VTCN1: variants seen among roughly 807,000 people sequenced by gnomAD.
VTCN1 encodes V-set domain-containing T-cell activation inhibitor 1.
Under a neutral mutation model 26.5 loss-of-function variants are expected in VTCN1, and 26 were observed. The observed-to-expected ratio is 0.98, with a 90% CI of 0.72 to 1.36. The LOEUF (loss-of-function observed/expected upper bound fraction) is 1.36. VTCN1 is among the 40% of genes most tolerant of loss of function. The pLI, the probability that VTCN1 is intolerant of heterozygous loss-of-function variation, is 0.00. For missense variants in VTCN1, 298 were observed against 337.7 expected, an observed-to-expected ratio of 0.88 and a Z score of 0.92; for synonymous variants, 116 against 130.7, an observed-to-expected ratio of 0.89 and a Z score of 0.77.
intron 1 of VTCN1, chr1:117,173,154 G>C (rs188371239): frequency 1.4e-6 from 1 of 715,300 alleles, no homozygotes; most frequent in East Asian, 2.7e-5. Context: ...AAACAACTCC[G>C]GACGCGCCAC....
At chr1:117,160,511 T>C (rs1459647214) in intron 2 of VTCN1, among the ~76,000 whole-genome samples, 3 of 152,346 alleles carry the variant, frequency 2.0e-5, no homozygotes, top group South Asian at 2.1e-4. Flanking sequence ...TCCTAAGAGC[T>C]GTGGAATGGA....
chr1:117,153,459 TC>T, intron 3 of VTCN1, 90 bp from the exon 4 acceptor site: 238 of 1,320,828 alleles, frequency 1.8e-4, no homozygotes, highest in Non-Finnish European at 2.2e-4. Context: ...AAAAATGCAG[TC>T]ATTTTTTTTT....
intron 1 of VTCN1, among the ~76,000 whole-genome samples, chr1:117,188,572 T>A (rs1358151370): frequency 6.6e-6 from 1 of 152,248 alleles, no homozygotes; most frequent in Non-Finnish European, 1.5e-5. Flanking sequence ...TAACTACTGG[T>A]CATGCTGAAT....
intron 1 of VTCN1, among the ~76,000 whole-genome samples, chr1:117,210,335 A>G (rs113892052): frequency 2.0e-5 from 3 of 152,214 alleles, no homozygotes; most frequent in African/African-American, 7.2e-5. Context: ...TGAATTGCTC[A>G]AGAGTAGCAA....
chr1:117,210,565 C>T (rs1297204012), intron 1 of VTCN1, among the ~76,000 whole-genome samples: 2 of 152,190 alleles, frequency 1.3e-5, no homozygotes, highest in South Asian at 2.1e-4. Flanking sequence ...CCAAGCTGCC[C>T]AGCAAGCGCC....
At chr1:117,199,563 C>T (rs972904803) in intron 1 of VTCN1, among the ~76,000 whole-genome samples, 3 of 151,530 alleles carry the variant, frequency 2.0e-5, no homozygotes, top group African/African-American at 7.3e-5. Flanking sequence ...TGACCTCAAG[C>T]GATCCACCCA....
intron 2 of VTCN1, among the ~76,000 whole-genome samples, chr1:117,157,815 A>C (rs1652166821): frequency 6.6e-6 from 1 of 152,182 alleles, no homozygotes; most frequent in African/African-American, 2.4e-5. Flanking sequence ...TTCACCTATA[A>C]TCCTGTAAAA....
intron 1 of VTCN1, among the ~76,000 whole-genome samples, chr1:117,174,423 A>G (rs916835166): frequency 6.6e-6 from 1 of 152,244 alleles, no homozygotes; most frequent in Non-Finnish European, 1.5e-5. Context: ...CGTGACATAC[A>G]CACAAACCTT....
At position 117,210,914 on chromosome 1, in the gene VTCN1, C is replaced by G; in HGVS notation, c.-59G>C. 6.3e-7 allele frequency: 1 copy of G among 1,586,464 alleles called. No homozygotes were observed. Among genetic ancestry groups the G allele is most frequent in the South Asian group, 1.1e-5 (1 of 90,428 alleles). The stretch of plus-strand genomic sequence containing the variant: ...GGCTGAGTGGAGCTGCCGCTGCCTT[C>G]CTTGGTGACTCACAACCAGCTCCCG... On this transcript the variant is annotated 5_prime_UTR_variant, in exon 1 of 6. Coordinates refer to ENST00000369458, the MANE Select transcript of VTCN1 (RefSeq NM_024626.4).
At chr1:117,190,120 G>C (rs1185191202) in intron 1 of VTCN1, among the ~76,000 whole-genome samples, 1 of 152,232 alleles carries the variant, frequency 6.6e-6, no homozygotes, top group African/African-American at 2.4e-5. Flanking sequence ...TTGGACTGCA[G>C]ATCAGCCTAT....
intron 1 of VTCN1, among the ~76,000 whole-genome samples, chr1:117,192,610 T>C (rs1414151560): frequency 6.6e-6 from 1 of 152,184 alleles, no homozygotes; most frequent in Admixed American, 6.5e-5. Flanking sequence ...GTATACACTA[T>C]TAAAAATGTA....
rs770960787 is a variant in VTCN1 at position 117,177,141 on chromosome 1, C to T, written c.33-6970G>A. 7.6e-4 allele frequency among the ~76,000 whole-genome samples: 115 copies of T among 151,738 alleles called. 1 individual carries two copies. Among genetic ancestry groups the T allele is most frequent in the Non-Finnish European group, 2.7e-4 (18 of 67,906 alleles). On this transcript the variant is annotated intron_variant, in intron 1 of 5. Coordinates refer to ENST00000369458, the MANE Select transcript of VTCN1 (RefSeq NM_024626.4). ...AAAAAAGGAAAAAGAAGATTAAAAGCGGGAAAGGAAATTTCTTTATGGGGA... is the reference window on the plus strand; with the variant it reads ...AAAAAAGGAAAAAGAAGATTAAAAGTGGGAAAGGAAATTTCTTTATGGGGA...
At chr1:117,203,804 A>C (rs1330341249) in intron 1 of VTCN1, 1 of 985,124 alleles carries the variant, frequency 1.0e-6, no homozygotes, top group Non-Finnish European at 1.2e-6. Flanking sequence ...ACAGAGAATC[A>C]CCTGGAGGTC....
chr1:117,195,865 A>C (rs1177515498), intron 1 of VTCN1, among the ~76,000 whole-genome samples: 1 of 152,178 alleles, frequency 6.6e-6, no homozygotes, highest in Non-Finnish European at 1.5e-5. Context: ...AATTAATGTA[A>C]TAGGATTGGG....
At chr1:117,179,940 A>G (rs1647588707) in intron 1 of VTCN1, among the ~76,000 whole-genome samples, 2 of 152,200 alleles carry the variant, frequency 1.3e-5, no homozygotes, top group Admixed American at 6.5e-5. Flanking sequence ...AGAGAGCAGG[A>G]TTAGACTCAG....
chr1:117,178,619 G>A (rs563210418), intron 1 of VTCN1, among the ~76,000 whole-genome samples: 8 of 114,614 alleles, frequency 7.0e-5, no homozygotes, highest in African/African-American at 2.8e-4. Flanking sequence ...TTAGAGACAG[G>A]GCCCGGCTCT....
intron 1 of VTCN1, among the ~76,000 whole-genome samples, chr1:117,189,580 T>C (rs1404116741): frequency 6.6e-6 from 1 of 152,176 alleles, no homozygotes; most frequent in Admixed American, 6.5e-5. Context: ...AACTCTCATC[T>C]TTAGCTTGAT....
At chr1:117,149,902 A>T (rs748039944) in intron 4 of VTCN1, among the ~76,000 whole-genome samples, 1 of 152,232 alleles carries the variant, frequency 6.6e-6, no homozygotes, top group Non-Finnish European at 1.5e-5. Flanking sequence ...CAAAAGTTGT[A>T]TTTCATCCTA....
intron 2 of VTCN1, among the ~76,000 whole-genome samples, chr1:117,160,093 A>G (rs1179709562): frequency 1.3e-5 from 2 of 152,188 alleles, no homozygotes; most frequent in Non-Finnish European, 2.9e-5. Context: ...TGGCTTGGAT[A>G]TGAAACTAAG....
Sources: gnomAD v4.1 joint callset for allele counts (sites outside exome capture counted in the v4.1 genomes callset) on GRCh38, gnomAD v4.1.1 for gene constraint, MANE v1.5 for transcripts, NCBI Gene and HGNC (gene_info 2026-07-23, HGNC 2026-07-21) for gene names.